Variants in ZFP62 observed in about 807,000 individuals in gnomAD.
The protein encoded by ZFP62 is ZFP62 zinc finger protein, also known as zinc finger protein 62 homolog.
ZFP62 carries 44 observed loss-of-function variants against 56.4 expected under a neutral mutation model. The ratio of observed to expected loss-of-function variants is 0.78; its 90% CI spans 0.61 to 1.00. The LOEUF (loss-of-function observed/expected upper bound fraction) is 1.00. Ranked by LOEUF, ZFP62 falls within the 50% of genes least tolerant of loss-of-function variation. ZFP62 has a pLI of 0.00. For missense variants in ZFP62, 1,030 were observed against 1,085.7 expected (o/e 0.95, Z 0.72); for synonymous variants, 421 against 388.9 (o/e 1.08, Z -0.97).
At chr5:180,854,552 G>A (rs1218555448) in intron 1 of ZFP62, among the ~76,000 whole-genome samples, 1 of 152,036 alleles carries the variant, frequency 6.6e-6, no homozygotes, top group Non-Finnish European at 1.5e-5. Flanking sequence ...TATCCGCATG[G>A]TCTTAAATAT....
intron 1 of ZFP62, among the ~76,000 whole-genome samples, chr5:180,856,213 A>G (rs559882197): frequency 1.3e-5 from 2 of 152,316 alleles, no homozygotes; most frequent in South Asian, 2.1e-4. Flanking sequence ...GTTGGGGCGC[A>G]TGATGTCCCG....
the ZFP62 span, chr5:180,831,205 G>C: frequency 6.5e-6 from 1 of 153,992 alleles, no homozygotes; most frequent in African/African-American, 2.4e-5. Flanking sequence ...CCGCCGCCTC[G>C]GGGACCTTTG....
Position 180,850,920 on chromosome 5 carries a change from G to T in ZFP62, c.575C>A (p.Thr192Asn), listed in dbSNP as rs1002258365. Residue 192 changes from threonine to asparagine, a missense_variant, in exon 2 of 2, where the codon ACT (threonine) becomes AAT (asparagine). Coordinates refer to ENST00000502412, the MANE Select transcript of ZFP62 (RefSeq NM_001172638.2). ...CTCACACTTGTACGGCTTCTCCCCA[G>T]TGTGGATCCGTTTGTGGACCCGAAG... ...SSLRVHKRIHTGEKPYKCEEC... is the reference protein window; with the variant it reads ...SSLRVHKRIHNGEKPYKCEEC... The T allele has an allele frequency of 1.7e-5, 26 of 1,563,218 alleles. No homozygotes were observed. The highest frequency in any genetic ancestry group is 2.2e-5 in the Non-Finnish European group (25 of 1,154,222).
rs897936540 is a variant in ZFP62 at position 180,849,838 on chromosome 5, G to A, written c.1657C>T (p.Arg553Ter). 18 of 1,551,532 alleles carry A rather than the reference G, an allele frequency of 1.2e-5. No homozygotes were observed. Among genetic ancestry groups the A allele is most frequent in the Admixed American group, 2.0e-5 (1 of 50,960 alleles). Residue 553 changes from arginine to a stop codon, truncating the protein, a stop_gained, in exon 2 of 2, where the codon CGA becomes TGA. Transcript: ENST00000502412. LOFTEE classifies it high-confidence loss of function. Reference sequence around the variant, plus strand: ...TAAGGTCGTTCCCCAGTGTGGATTCGTTTATGTACTTTAAGGCCAGAATTA... The same window carrying A: ...TAAGGTCGTTCCCCAGTGTGGATTCATTTATGTACTTTAAGGCCAGAATTA... The part of the protein sequence containing the change: ...RNNSGLKVHK[R>*]IHTGERPYKC...
At chr5:180,837,266 T>C in the ZFP62 span, among the ~76,000 whole-genome samples, 1 of 152,216 alleles carries the variant, frequency 6.6e-6, no homozygotes, top group African/African-American at 2.4e-5. Context: ...GTCCTCCCCA[T>C]CTTTTCTGCT....
downstream of ZFP62, among the ~76,000 whole-genome samples, chr5:180,847,399 C>T (rs1296530299): frequency 2.0e-5 from 3 of 152,150 alleles, no homozygotes; most frequent in Non-Finnish European, 4.4e-5. Flanking sequence ...GGCCCAGTAA[C>T]GACGATCACA....
the ZFP62 span, among the ~76,000 whole-genome samples, chr5:180,828,556 C>A: frequency 6.6e-6 from 1 of 152,178 alleles, no homozygotes; most frequent in Admixed American, 6.5e-5. Flanking sequence ...TTTATAATTT[C>A]TTATGCCTGT....
In ZFP62 at chr5:180,848,024, C is replaced by A. The variant is rs1773476167; in HGVS notation, c.*768G>T. The stretch of plus-strand genomic sequence containing the variant: ...TTTATTGTAGCATAATGTGTGAATA[C>A]CACTTCCAGGTTATCCCTCATCACA... On this transcript the variant is annotated 3_prime_UTR_variant, in exon 2 of 2. Transcript: ENST00000502412. 1.5e-5 allele frequency: 15 copies of A among 985,258 alleles called. No individual in the cohort carries two copies. The Middle Eastern group carries it at 1.5e-3, about 102-fold the overall frequency. 61.0% of individuals were successfully genotyped at this position (985,258 alleles called of 1,614,324 possible). A position where few individuals can be genotyped will look rare whatever the true frequency, so the allele number is the denominator to read the frequency against.
chr5:180,858,598 ACT>A (rs1774133112), intron 1 of ZFP62, among the ~76,000 whole-genome samples: 1 of 151,950 alleles, frequency 6.6e-6, no homozygotes, highest in Non-Finnish European at 1.5e-5. Context: ...ACAGAGCGAG[ACT>A]CTGTCTCAAA....
At chr5:180,851,523 T>C in intron 1 of ZFP62, 30 bp from the exon 2 acceptor site, 1 of 1,484,866 alleles carries the variant, frequency 6.7e-7, no homozygotes, top group Non-Finnish European at 8.9e-7. Context: ...AGGACACCTA[T>C]TCACTCTCTT....
chr5:180,840,614 G>A, the ZFP62 span, among the ~76,000 whole-genome samples: 10 of 152,094 alleles, frequency 6.6e-5, no homozygotes, highest in South Asian at 4.2e-4. Flanking sequence ...AAAATGAGCC[G>A]GGCATGTGGT....
the ZFP62 span, among the ~76,000 whole-genome samples, chr5:180,832,245 T>C: frequency 2.0e-5 from 3 of 152,204 alleles, no homozygotes; most frequent in Non-Finnish European, 4.4e-5. Context: ...TCAACCTTCC[T>C]GGACTCAAGT....
chr5:180,840,548 G>A, the ZFP62 span, among the ~76,000 whole-genome samples: 1 of 152,232 alleles, frequency 6.6e-6, no homozygotes, highest in East Asian at 1.9e-4. Context: ...CATAAGGTCA[G>A]GAGTTCGAGA....
intron 1 of ZFP62, among the ~76,000 whole-genome samples, chr5:180,856,809 C>T (rs1490420495): frequency 6.6e-6 from 1 of 151,722 alleles, no homozygotes; most frequent in African/African-American, 2.4e-5. Flanking sequence ...AAAAAAATGG[C>T]CGGGCATGGT....
the ZFP62 span, among the ~76,000 whole-genome samples, chr5:180,841,314 T>TAC: frequency 2.2e-3 from 93 of 41,788 alleles, no homozygotes; most frequent in African/African-American, 4.6e-3. Context: ...TATATATACA[T>TAC]ACACACATAT....
intron 1 of ZFP62, among the ~76,000 whole-genome samples, chr5:180,860,936 G>A (rs1307810063): frequency 5.3e-5 from 8 of 152,196 alleles, no homozygotes; most frequent in Non-Finnish European, 1.2e-4. Context: ...TCGGAACGTT[G>A]AGCAGACCTA....
the ZFP62 span, chr5:180,832,729 A>G: frequency 6.6e-6 from 1 of 152,352 alleles, no homozygotes; most frequent in East Asian, 1.9e-4. Flanking sequence ...AGCAGTTCTC[A>G]AAATGTTACC....
chr5:180,856,952 C>CAA (rs758729037), intron 1 of ZFP62, among the ~76,000 whole-genome samples: 878 of 63,638 alleles, frequency 0.014, 47 homozygotes, highest in South Asian at 0.029. Context: ...GACTATGTCT[C>CAA]AAAAAAAAAA....
intron 1 of ZFP62, among the ~76,000 whole-genome samples, chr5:180,856,223 G>C (rs532307833): frequency 6.6e-6 from 1 of 152,256 alleles, no homozygotes; most frequent in Admixed American, 6.5e-5. Context: ...ATGATGTCCC[G>C]TCACCTGATG....
Sources: gnomAD v4.1 joint callset for allele counts (sites outside exome capture counted in the v4.1 genomes callset) on GRCh38, gnomAD v4.1.1 for gene constraint, MANE v1.5 for transcripts, NCBI Gene and HGNC (gene_info 2026-07-23, HGNC 2026-07-21) for gene names.